TAF11: variants seen among roughly 807,000 people sequenced by gnomAD.
The protein encoded by TAF11 is TATA-box binding protein associated factor 11.
A neutral mutation model predicts 23.0 loss-of-function variants in TAF11; 10 were observed. The ratio of observed to expected loss-of-function variants is 0.43; its 90% confidence interval spans 0.27 to 0.74. The LOEUF (loss-of-function observed/expected upper bound fraction) is 0.74, where lower values mean the gene tolerates loss of function less well. Ranked by LOEUF, TAF11 falls within the 30% of genes least tolerant of loss-of-function variation. The pLI is 0.19. For synonymous variants in TAF11, 85 were observed against 95.8 expected (o/e 0.89, Z 0.66); for missense variants, 196 against 261.7 (o/e 0.75, Z 1.73).
rs751332765 is a variant in TAF11, at chr6:34,880,416, C to G, written c.321-40G>C. On this transcript the variant is annotated intron_variant, in intron 2 of 4. Coordinates refer to ENST00000361288, the MANE Select transcript of TAF11 (RefSeq NM_005643.4). The surrounding 1 kb of genome is among the most constrained non-coding windows in gnomAD (Gnocchi z 4.8). ...AGGTAACTAAGTTAACTTATAAGAA[C>G]GAATACTCAAGATATTATGAAGTCA... The G allele has an allele frequency of 1.9e-6, 3 of 1,574,190 alleles. No individual in the cohort carries two copies. In the African/African-American group the frequency reaches 4.1e-5, roughly 21 times the overall value.
chr6:34,882,756 T>C (rs1211145981), intron 2 of TAF11, among the ~76,000 whole-genome samples, 176 bp downstream of exon 2: 1 of 152,204 alleles, frequency 6.6e-6, no homozygotes, highest in Non-Finnish European at 1.5e-5. Context: ...CCTCCCACCT[T>C]GGCCTTCTAA....
chr6:34,881,873 A>G (rs1581640783), intron 2 of TAF11, among the ~76,000 whole-genome samples: 1 of 150,800 alleles, frequency 6.6e-6, no homozygotes, highest in Non-Finnish European at 1.5e-5. Flanking sequence ...ATTTTTTGTA[A>G]TTTTAGTAGA....
chr6:34,880,273 G>A lies in TAF11; in HGVS notation c.408+16C>T. On this transcript the variant is annotated intron_variant, in intron 3 of 4. Coordinates refer to ENST00000361288, the MANE Select transcript of TAF11 (RefSeq NM_005643.4). The surrounding 1 kb of genome is among the most constrained non-coding windows in gnomAD (Gnocchi z 4.8). Reference sequence around the variant, plus strand: ...CTAAAACGTGATGGAGATGAAGTGTGGTGGTCCATCCTTACCCTTTTGATG... The same window carrying A: ...CTAAAACGTGATGGAGATGAAGTGTAGTGGTCCATCCTTACCCTTTTGATG... The A allele has an allele frequency of 6.2e-7, 1 of 1,613,196 alleles. No individual in the cohort carries two copies. Among genetic ancestry groups the A allele is most frequent in the Non-Finnish European group, 8.5e-7 (1 of 1,179,234 alleles).
rs114618307 is a variant in TAF11 at position 34,887,814 on chromosome 6, C to G, written c.144G>C (p.Leu48Phe). The G allele has an allele frequency of 9.8e-4, 1,581 of 1,614,240 alleles. 19 individuals are homozygous for G. In the East Asian group the frequency reaches 0.018, roughly 19 times the overall value. Residue 48 changes from leucine to phenylalanine, a missense_variant, in exon 1 of 5, where the codon TTG (leucine) becomes TTC (phenylalanine). Coordinates refer to ENST00000361288, the MANE Select transcript of TAF11 (RefSeq NM_005643.4). The part of the protein sequence containing the change: ...EETDGDADVD[L>F]KEAAAEEGEL... ...CGCCTTCCTCCGCTGCAGCTTCTTT[C>G]AAGTCCACATCTGCGTCTCCGTCAG... is the stretch of plus-strand genomic sequence containing the variant.
chr6:34,883,019 T>G lies in TAF11; in HGVS notation c.233A>C (p.Asn78Thr), dbSNP rs752993999. ...TVEREDSSLL[N>T]PAAKKLKIDT... Reference sequence around the variant, plus strand: ...TATTTTCAGTTTTTTGGCTGCAGGATTAAGTAATGATGAGTCTTCCCTTTC... The same window carrying G: ...TATTTTCAGTTTTTTGGCTGCAGGAGTAAGTAATGATGAGTCTTCCCTTTC... The change falls in exon 2 of 5, where the codon AAT becomes ACT. Residue 78 changes from asparagine (N) to threonine (T), a missense_variant. Asn to Thr is a moderately conservative substitution (Grantham distance 65, BLOSUM62 0). Coordinates refer to ENST00000361288, the MANE Select transcript of TAF11 (RefSeq NM_005643.4). The G allele has an allele frequency of 4.3e-6, 7 of 1,612,572 alleles. No homozygotes were observed. The highest frequency in any genetic ancestry group is 1.3e-5 in the African/African-American group (1 of 75,030).
intron 2 of TAF11, among the ~76,000 whole-genome samples, chr6:34,882,423 C>T (rs1411102570): frequency 6.6e-6 from 1 of 151,536 alleles, no homozygotes; most frequent in Non-Finnish European, 1.5e-5. Context: ...GCGGGCAGAT[C>T]ACGTGAGGTC....
chr6:34,883,369 A>C (rs1338052571), intron 1 of TAF11, among the ~76,000 whole-genome samples: 1 of 110,220 alleles, frequency 9.1e-6, no homozygotes, highest in Non-Finnish European at 1.6e-5. Context: ...GATCATGAAA[A>C]TCACCCTCCC....
chr6:34,883,807 A>G (rs145837877), intron 1 of TAF11, among the ~76,000 whole-genome samples: 432 of 152,332 alleles, frequency 2.8e-3, no homozygotes, highest in Non-Finnish European at 3.5e-3. Context: ...GCCAACAATC[A>G]TGTGAAAAAA....
At chr6:34,884,238 T>G (rs1394196280) in intron 1 of TAF11, among the ~76,000 whole-genome samples, 1 of 152,014 alleles carries the variant, frequency 6.6e-6, no homozygotes, top group African/African-American at 2.4e-5. Flanking sequence ...TATACAGCCA[T>G]AAAAAAGGAG....
Position 34,880,266 on chromosome 6 carries a change from G to A in TAF11, c.408+23C>T, listed in dbSNP as rs1335783763. 6.2e-7 allele frequency: 1 copy of A among 1,612,032 alleles called. No homozygotes were observed. Among genetic ancestry groups the A allele is most frequent in the Non-Finnish European group, 8.5e-7 (1 of 1,178,310 alleles). On this transcript the variant is annotated intron_variant, in intron 3 of 4. Transcript: ENST00000361288. This position sits in a 1 kb window ranked among gnomAD's most constrained non-coding sequence, Gnocchi z 4.8. The stretch of plus-strand genomic sequence containing the variant: ...TTCAGTTCTAAAACGTGATGGAGAT[G>A]AAGTGTGGTGGTCCATCCTTACCCT...
At chr6:34,885,466 T>G (rs764018871) in intron 1 of TAF11, among the ~76,000 whole-genome samples, 1 of 152,202 alleles carries the variant, frequency 6.6e-6, no homozygotes, top group Non-Finnish European at 1.5e-5. Context: ...AATTTCAAGT[T>G]TAATGCATTA....
At chr6:34,883,147 A>G in intron 1 of TAF11, 67 bp from the exon 2 acceptor site, 1 of 1,498,606 alleles carries the variant, frequency 6.7e-7, no homozygotes, top group South Asian at 1.3e-5. Flanking sequence ...AAGTAAGAAG[A>G]CATCATCCTT....
chr6:34,884,571 A>T (rs1766498275), intron 1 of TAF11, among the ~76,000 whole-genome samples: 1 of 152,246 alleles, frequency 6.6e-6, no homozygotes. Flanking sequence ...CACATCCTGC[A>T]CATGTACCCC....
At chr6:34,887,742 A>G in intron 1 of TAF11, 45 bp downstream of exon 1, 1 of 1,611,702 alleles carries the variant, frequency 6.2e-7, no homozygotes, top group South Asian at 1.1e-5. Flanking sequence ...CCAGTAACAC[A>G]ATCTCTGGGT....
chr6:34,878,725 A>G lies in TAF11; in HGVS notation c.506-5T>C. Reference sequence around the variant, plus strand: ...ACTTCTCACACACATCCAGTGCTAAACAGAGGGTAAGGAGAAAGTCTGATT... The same window carrying G: ...ACTTCTCACACACATCCAGTGCTAAGCAGAGGGTAAGGAGAAAGTCTGATT... On this transcript the variant is annotated splice_polypyrimidine_tract_variant and splice_region_variant and intron_variant, in intron 4 of 4. Coordinates refer to ENST00000361288, the MANE Select transcript of TAF11 (RefSeq NM_005643.4). The G allele has an allele frequency of 6.2e-7, 1 of 1,613,580 alleles. No homozygotes were observed. Among genetic ancestry groups the G allele is most frequent in the Non-Finnish European group, 8.5e-7 (1 of 1,179,522 alleles).
Position 34,880,398 on chromosome 6 carries a change from T to C in TAF11, c.321-22A>G, listed in dbSNP as rs1363404009. ...GATTCTAAACAAAGATCCAGGTAAC[T>C]AAGTTAACTTATAAGAACGAATACT... is the stretch of plus-strand genomic sequence containing the variant. On this transcript the variant is annotated intron_variant, in intron 2 of 4. Transcript: ENST00000361288. This position sits in a 1 kb window ranked among gnomAD's most constrained non-coding sequence, Gnocchi z 4.8. 6.2e-7 allele frequency: 1 copy of C among 1,605,060 alleles called. No homozygotes were observed. Among genetic ancestry groups the C allele is most frequent in the East Asian group, 2.2e-5 (1 of 44,838 alleles).
In TAF11 at chr6:34,882,415, G is replaced by A. The variant is rs566105148; in HGVS notation, c.320+517C>T. On this transcript the variant is annotated intron_variant, in intron 2 of 4. Transcript: ENST00000361288. Reference sequence around the variant, plus strand: ...TCCTAGCACTTTGGGAGGCCGAGGCGGGCAGATCACGTGAGGTCATGAGTT... The same window carrying A: ...TCCTAGCACTTTGGGAGGCCGAGGCAGGCAGATCACGTGAGGTCATGAGTT... Among the ~76,000 whole-genome samples, 244 of 151,836 alleles carry A rather than the reference G, an allele frequency of 1.6e-3. 1 individual carries two copies. The highest frequency in any genetic ancestry group is 5.5e-3 in the African/African-American group (226 of 41,402).
chr6:34,878,430 T>C lies in TAF11; in HGVS notation c.*160A>G. On this transcript the variant is annotated 3_prime_UTR_variant, in exon 5 of 5. Transcript: ENST00000361288. ...GGCAAGTATCAATCAGGCTACATAC[T>C]TTCTAGGTGTGACAAATATCAGAGT... 3.2e-6 allele frequency: 2 copies of C among 629,338 alleles called. No individual in the cohort carries two copies. Among genetic ancestry groups the C allele is most frequent in the Non-Finnish European group, 5.7e-6 (2 of 351,870 alleles). The allele number at this position is 629,338 out of a possible 1,614,324, so 39.0% of individuals were successfully genotyped here.
At chr6:34,887,557 C>T (rs546290922) in intron 1 of TAF11, among the ~76,000 whole-genome samples, 3 of 152,036 alleles carry the variant, frequency 2.0e-5, no homozygotes, top group South Asian at 4.1e-4. Context: ...AGCTTTAATC[C>T]CTAAAGACAA....
Sources: allele counts gnomAD v4.1 joint callset (sites outside exome capture counted in the v4.1 genomes callset), GRCh38; gene constraint gnomAD v4.1.1; non-coding constraint Gnocchi (gnomAD v3.1); transcripts MANE v1.5; gene names NCBI Gene and HGNC (gene_info 2026-07-23, HGNC 2026-07-21).